The following TRIM2 variants were observed in gnomAD, a reference collection of about 807,000 sequenced individuals.
TRIM2 encodes the protein tripartite motif-containing protein 2.
Under a neutral mutation model 75.2 loss-of-function variants are expected in TRIM2, and 20 were observed. The ratio of observed to expected loss-of-function variants is 0.27; its 90% CI spans 0.19 to 0.39. The LOEUF (loss-of-function observed/expected upper bound fraction) is 0.39. Among genes scored for constraint, TRIM2 ranks in the 10% least tolerant of loss-of-function variants. TRIM2 has a pLI of 1.00. For missense variants in TRIM2, 660 were observed against 990.8 expected (o/e 0.67, Z 4.48); for synonymous variants, 373 against 388.3 (o/e 0.96, Z 0.46).
intron 11 of TRIM2, 74 bp downstream of exon 11, chr4:153,328,744 A>G: frequency 6.9e-7 from 1 of 1,456,482 alleles, no homozygotes; most frequent in South Asian, 1.5e-5. Context: ...CTGTCCCCCA[A>G]ACTGGAATGT....
chr4:153,227,839 C>T (rs879670538), intron 1 of TRIM2, among the ~76,000 whole-genome samples: 7 of 152,136 alleles, frequency 4.6e-5, no homozygotes, highest in Non-Finnish European at 7.4e-5. Flanking sequence ...AATAGTTTGC[C>T]TTAGCAGCAG....
chr4:153,174,998 TTTG>T (rs1210163707), intron 1 of TRIM2, among the ~76,000 whole-genome samples: 2 of 109,958 alleles, frequency 1.8e-5, no homozygotes, highest in Non-Finnish European at 4.0e-5. Flanking sequence ...TTGTTGTTGT[TTTG>T]TTTTTGTTTT....
At chr4:153,206,922 C>G (rs1464946179) in intron 1 of TRIM2, among the ~76,000 whole-genome samples, 2 of 151,930 alleles carry the variant, frequency 1.3e-5, no homozygotes, top group Non-Finnish European at 2.9e-5. Context: ...GCTCCGTCAC[C>G]CAGGCTGGAG....
rs930427 is a variant in TRIM2, at chr4:153,302,248, G to T, written c.1510+6212G>T. ...TAGTTTTTTTCTTTTTCTTGCATTC[G>T]TCTTTAACTTTACATTCAAATCCAG... On this transcript the variant is annotated intron_variant, in intron 6 of 11. Transcript: ENST00000338700. Among the ~76,000 whole-genome samples, 117 of 151,398 alleles carry T rather than the reference G, an allele frequency of 7.7e-4. 3 individuals are homozygous for T. The highest frequency in any genetic ancestry group is 7.6e-3 in the Admixed American group (116 of 15,228).
rs188917928 is a variant in TRIM2 at position 153,232,546 on chromosome 4, G to A, written c.30+27986G>A. Among the ~76,000 whole-genome samples, 181 of 152,066 alleles carry A rather than the reference G, an allele frequency of 1.2e-3. 1 individual carries two copies. Among genetic ancestry groups the A allele is most frequent in the African/African-American group, 4.2e-3 (175 of 41,476 alleles). On this transcript the variant is annotated intron_variant, in intron 1 of 11. Coordinates refer to ENST00000338700, the MANE Select transcript of TRIM2 (RefSeq NM_015271.5). Reference sequence around the variant, plus strand: ...TTTCAAAAATAAAAAAAATTGAGTCGTGACCAGCACAGTGAGAGGCAAAGA... The same window carrying A: ...TTTCAAAAATAAAAAAAATTGAGTCATGACCAGCACAGTGAGAGGCAAAGA...
At position 153,244,355 on chromosome 4, in the gene TRIM2, C is replaced by CTCTTCTTCTTCTTCTTCTTCTTCTTCT. The variant is rs1209366783; in HGVS notation, c.31-25924_31-25898dup. Among the ~76,000 whole-genome samples the CTCTTCTTCTTCTTCTTCTTCTTCTTCT allele has an allele frequency of 8.7e-4, 11 of 12,690 alleles. 1 individual carries two copies. The highest frequency in any genetic ancestry group is 1.2e-3 in the Non-Finnish European group (9 of 7,622). 8.3% of individuals were successfully genotyped at this position (12,690 alleles called of 152,430 possible). ...CTTCTTCTTCTTCTTCTTCTTCTTCCTCTTCTTCTTCTTCTTCTTCTTCTT... is the reference window on the plus strand; with the variant it reads ...CTTCTTCTTCTTCTTCTTCTTCTTCCTCTTCTTCTTCTTCTTCTTCTTCTTCTTCTTCTTCTTCTTCTTCTTCTTCTT... On this transcript the variant is annotated intron_variant, in intron 1 of 11. Transcript: ENST00000338700.
chr4:153,251,029 A>G (rs1230287082), intron 1 of TRIM2, among the ~76,000 whole-genome samples: 1 of 152,174 alleles, frequency 6.6e-6, no homozygotes, highest in Admixed American at 6.5e-5. Context: ...TTGGGTTGGA[A>G]CTGGGTCAGC....
chr4:153,185,660 C>T (rs999234001), intron 1 of TRIM2, among the ~76,000 whole-genome samples: 1 of 152,176 alleles, frequency 6.6e-6, no homozygotes, highest in African/African-American at 2.4e-5. Context: ...TGCTTTGTCC[C>T]TCCACGTAAG....
chr4:153,237,925 C>G (rs1039752350), intron 1 of TRIM2, among the ~76,000 whole-genome samples: 1 of 152,064 alleles, frequency 6.6e-6, no homozygotes, highest in Admixed American at 6.6e-5. Context: ...TACACCTTCG[C>G]TAGTCATTTG....
chr4:153,156,033 AAT>A (rs989033085), intron 1 of TRIM2, among the ~76,000 whole-genome samples: 1 of 152,222 alleles, frequency 6.6e-6, no homozygotes, highest in African/African-American at 2.4e-5. Context: ...TACATTTGTG[AAT>A]ATGACATCTC....
At position 153,270,533 on chromosome 4, in the gene TRIM2, G is replaced by T. The variant is rs779554236; in HGVS notation, c.215+14G>T. Reference sequence around the variant, plus strand: ...TTTCTGCGAGAGGTAAGCCTCCTTTGTGCTTGGAGAAGGGAGTTTCGCAGG... The same window carrying T: ...TTTCTGCGAGAGGTAAGCCTCCTTTTTGCTTGGAGAAGGGAGTTTCGCAGG... On this transcript the variant is annotated intron_variant, in intron 2 of 11. Transcript: ENST00000338700. 1.3e-6 allele frequency: 2 copies of T among 1,585,682 alleles called. No individual in the cohort carries two copies. Among genetic ancestry groups the T allele is most frequent in the Non-Finnish European group, 1.7e-6 (2 of 1,164,112 alleles).
Position 153,294,330 on chromosome 4 carries a change from C to G in TRIM2, c.631C>G (p.Gln211Glu). ...GCTCCCAGAAATAGATTCTGCTCTT[C>G]AGTTCATCTCTGAAATCATTCATCA... is the stretch of plus-strand genomic sequence containing the variant. ...KRLPEIDSALQFISEIIHQLT... is the reference protein window; with the variant it reads ...KRLPEIDSALEFISEIIHQLT... The change falls in exon 5 of 12, where the codon CAG (glutamine) becomes GAG (glutamate). Residue 211 changes from glutamine to glutamate, a missense_variant. Physicochemically the swap from Gln to Glu is conservative, Grantham distance 29 (BLOSUM62 2). This residue lies in a region of TRIM2 where 620 missense variants were observed against 891.0 expected (regional missense o/e 0.70). Transcript: ENST00000338700. The G allele has an allele frequency of 6.2e-7, 1 of 1,614,136 alleles. No individual in the cohort carries two copies. Among genetic ancestry groups the G allele is most frequent in the South Asian group, 1.1e-5 (1 of 91,064 alleles).
At chr4:153,159,158 C>T (rs776032064) in intron 1 of TRIM2, among the ~76,000 whole-genome samples, 3 of 152,094 alleles carry the variant, frequency 2.0e-5, no homozygotes, top group Non-Finnish European at 2.9e-5. Context: ...TAAAACGGAA[C>T]TGTATCTTAC....
intron 6 of TRIM2, among the ~76,000 whole-genome samples, chr4:153,312,600 C>T (rs1766612971): frequency 1.3e-5 from 2 of 152,238 alleles, no homozygotes; most frequent in South Asian, 2.1e-4. Context: ...TACTTTTACA[C>T]TGTTGGTGGG....
At chr4:153,228,447 T>C (rs148665642) in intron 1 of TRIM2, among the ~76,000 whole-genome samples, 164 of 152,368 alleles carry the variant, frequency 1.1e-3, no homozygotes, top group African/African-American at 3.7e-3. Flanking sequence ...ACTTAATCTA[T>C]ACAGTTTCGT....
At chr4:153,261,491 C>T (rs143254934) in intron 1 of TRIM2, among the ~76,000 whole-genome samples, 13 of 152,146 alleles carry the variant, frequency 8.5e-5, no homozygotes, top group Middle Eastern at 3.4e-3. Flanking sequence ...GAAGCAATAA[C>T]GCAGGAATGC....
chr4:153,250,108 C>CT (rs796197632), intron 1 of TRIM2, among the ~76,000 whole-genome samples: 8,194 of 146,872 alleles, frequency 0.056, 694 homozygotes, highest in African/African-American at 0.19. Context: ...TTTTGCTTGT[C>CT]TTTTTTTTTT....
intron 2 of TRIM2, among the ~76,000 whole-genome samples, chr4:153,272,763 G>A (rs1459678416): frequency 4.6e-5 from 7 of 151,126 alleles, no homozygotes; most frequent in African/African-American, 1.7e-4. Context: ...GAGCCACTGC[G>A]TCCAGCCGAG....
At chr4:153,320,363 C>T (rs1306382983) in intron 8 of TRIM2, among the ~76,000 whole-genome samples, 1 of 152,180 alleles carries the variant, frequency 6.6e-6, no homozygotes. Context: ...CATGCAAAGT[C>T]CCATCCTGCT....
Sources: allele counts gnomAD v4.1 joint callset (sites outside exome capture counted in the v4.1 genomes callset), GRCh38; gene constraint gnomAD v4.1.1; regional missense constraint gnomAD v4.1.1; transcripts MANE v1.5; gene names NCBI Gene and HGNC (gene_info 2026-07-23, HGNC 2026-07-21).